RPS6KC1: variants seen among roughly 807,000 people sequenced by gnomAD.
The protein encoded by RPS6KC1 is inactive ribosomal protein S6 kinase delta-1.
A neutral mutation model predicts 103.8 loss-of-function variants in RPS6KC1; 54 were observed. That is an observed-to-expected ratio of 0.52 (90% CI 0.42 to 0.65). The LOEUF is 0.65. RPS6KC1 is among the 30% of genes least tolerant of loss of function. The pLI, the probability that RPS6KC1 is intolerant of heterozygous loss-of-function variation, is 0.00. For missense variants in RPS6KC1, 1,151 were observed against 1,253.8 expected, an observed-to-expected ratio of 0.92 and a Z score of 1.24; for synonymous variants, 439 against 438.7, an observed-to-expected ratio of 1.00 and a Z score of -0.01.
the RPS6KC1 span, among the ~76,000 whole-genome samples, chr1:213,555,204 T>C: frequency 6.6e-6 from 1 of 152,180 alleles, no homozygotes; most frequent in East Asian, 1.9e-4. Flanking sequence ...AAAGAACGAA[T>C]GTTTGAAAAT....
chr1:213,724,634 T>C, the RPS6KC1 span, among the ~76,000 whole-genome samples: 1 of 152,156 alleles, frequency 6.6e-6, no homozygotes, highest in South Asian at 2.1e-4. Context: ...GTATAGTGGC[T>C]CGTGCTTGTA....
chr1:213,163,802 T>G (rs1289331776), intron 6 of RPS6KC1, among the ~76,000 whole-genome samples: 1 of 152,222 alleles, frequency 6.6e-6, no homozygotes, highest in Non-Finnish European at 1.5e-5. Flanking sequence ...TGGTATGACA[T>G]ATAACTCTTT....
At chr1:213,860,744 C>A in the RPS6KC1 span, among the ~76,000 whole-genome samples, 1 of 152,060 alleles carries the variant, frequency 6.6e-6, no homozygotes, top group East Asian at 1.9e-4. Flanking sequence ...GAAGACGCAG[C>A]CAGAGCCTGG....
At chr1:213,229,708 G>C (rs1455585486) in intron 8 of RPS6KC1, among the ~76,000 whole-genome samples, 2 of 152,056 alleles carry the variant, frequency 1.3e-5, no homozygotes, top group African/African-American at 4.8e-5. Context: ...AGTAGTTTAG[G>C]GGGGCAATGT....
the RPS6KC1 span, among the ~76,000 whole-genome samples, chr1:213,379,730 A>T: frequency 6.6e-6 from 1 of 152,202 alleles, no homozygotes; most frequent in South Asian, 2.1e-4. Context: ...CAACTGGAGC[A>T]GCTGCTTGGA....
chr1:213,803,524 G>A, the RPS6KC1 span, among the ~76,000 whole-genome samples: 1 of 152,166 alleles, frequency 6.6e-6, no homozygotes, highest in African/African-American at 2.4e-5. Flanking sequence ...TGGGATTACA[G>A]GCATGAGCCC....
the RPS6KC1 span, among the ~76,000 whole-genome samples, chr1:213,396,092 A>G: frequency 1.3e-5 from 2 of 152,196 alleles, no homozygotes; most frequent in East Asian, 1.9e-4. Flanking sequence ...AATAGCATGG[A>G]GAAAGACCAT....
the RPS6KC1 span, among the ~76,000 whole-genome samples, chr1:213,413,423 G>T: frequency 4.6e-3 from 702 of 152,312 alleles, 4 homozygotes; most frequent in Non-Finnish European, 8.1e-3. Flanking sequence ...TCTAGGAGCT[G>T]GGAGGTTGGA....
intron 4 of RPS6KC1, among the ~76,000 whole-genome samples, chr1:213,115,845 C>G (rs572146432): frequency 8.9e-4 from 135 of 152,272 alleles, no homozygotes; most frequent in South Asian, 1.7e-3. Context: ...TGTTCAGTTT[C>G]CATGTAGTTG....
At chr1:213,684,674 G>A in the RPS6KC1 span, among the ~76,000 whole-genome samples, 1 of 152,190 alleles carries the variant, frequency 6.6e-6, no homozygotes, top group African/African-American at 2.4e-5. Flanking sequence ...GCAGTCCAGG[G>A]CCCCCTGGCC....
chr1:213,106,722 A>G (rs1287838625), intron 4 of RPS6KC1, among the ~76,000 whole-genome samples: 1 of 152,216 alleles, frequency 6.6e-6, no homozygotes, highest in African/African-American at 2.4e-5. Flanking sequence ...TAAGAGTAGA[A>G]TGAATAGTAT....
the RPS6KC1 span, among the ~76,000 whole-genome samples, chr1:213,778,710 T>G: frequency 6.6e-6 from 1 of 152,028 alleles, no homozygotes; most frequent in South Asian, 2.1e-4. Flanking sequence ...ATCCAAGAAG[T>G]GCAGCCCAGA....
the RPS6KC1 span, among the ~76,000 whole-genome samples, chr1:213,845,054 C>T: frequency 6.6e-6 from 1 of 152,024 alleles, no homozygotes; most frequent in African/African-American, 2.4e-5. Context: ...CCCCACCCCA[C>T]TCTCTCCGAC....
the RPS6KC1 span, among the ~76,000 whole-genome samples, chr1:213,754,865 G>A: frequency 6.6e-6 from 1 of 152,152 alleles, no homozygotes; most frequent in Admixed American, 6.5e-5. Context: ...CATAACAGTA[G>A]CTTAGAAACC....
chr1:213,193,534 T>A (rs1370520111), intron 8 of RPS6KC1, among the ~76,000 whole-genome samples: 1 of 152,240 alleles, frequency 6.6e-6, no homozygotes, highest in Non-Finnish European at 1.5e-5. Context: ...AGTGCTGGGC[T>A]TACAGACGTG....
At chr1:213,795,884 C>T in the RPS6KC1 span, among the ~76,000 whole-genome samples, 1 of 152,142 alleles carries the variant, frequency 6.6e-6, no homozygotes, top group East Asian at 1.9e-4. Context: ...GGCTGCAAAC[C>T]TGCTCTGTAA....
the RPS6KC1 span, among the ~76,000 whole-genome samples, chr1:213,697,261 G>T: frequency 6.6e-6 from 1 of 152,208 alleles, no homozygotes; most frequent in African/African-American, 2.4e-5. Flanking sequence ...AAGAGTGTCA[G>T]TGGGAGCGAG....
chr1:213,659,421 A>T, the RPS6KC1 span, among the ~76,000 whole-genome samples: 1 of 152,192 alleles, frequency 6.6e-6, no homozygotes, highest in Non-Finnish European at 1.5e-5. Flanking sequence ...AATGCTATAA[A>T]ATTTAGATTC....
At chr1:213,678,655 G>C in the RPS6KC1 span, among the ~76,000 whole-genome samples, 1 of 152,138 alleles carries the variant, frequency 6.6e-6, no homozygotes, top group Non-Finnish European at 1.5e-5. Context: ...GGTTCCCAAG[G>C]GTGCTACCTG....
Sources: gnomAD v4.1 joint callset for allele counts (sites outside exome capture counted in the v4.1 genomes callset) on GRCh38, gnomAD v4.1.1 for gene constraint, MANE v1.5 for transcripts, NCBI Gene and HGNC (gene_info 2026-07-23, HGNC 2026-07-21) for gene names.